The following DNAJB4 variants were observed in gnomAD, a reference collection of about 807,000 sequenced individuals.
DNAJB4 encodes the protein DnaJ heat shock protein family (Hsp40) member B4.
Under a neutral mutation model 26.6 loss-of-function variants are expected in DNAJB4, and 10 were observed. The ratio of observed to expected loss-of-function variants is 0.38; its 90% CI spans 0.23 to 0.64. The LOEUF (loss-of-function observed/expected upper bound fraction) is 0.64. Among genes scored for constraint, DNAJB4 ranks in the 30% least tolerant of loss-of-function variants. The pLI is 0.58. For synonymous variants in DNAJB4, 136 were observed against 134.8 expected, an observed-to-expected ratio of 1.01 and a Z score of -0.06; for missense variants, 328 against 408.2, an observed-to-expected ratio of 0.80 and a Z score of 1.69.
rs779550530 is a variant in DNAJB4 at position 78,016,281 on chromosome 1, G to T, written c.*34G>T. On this transcript the variant is annotated 3_prime_UTR_variant, in exon 3 of 3. Coordinates refer to ENST00000370763, the MANE Select transcript of DNAJB4 (RefSeq NM_007034.5). ...ACTTTGTTACACATATTTTGATAAGGCACTGAAAATATAAAAGGACTGGTA... is the reference window on the plus strand; with the variant it reads ...ACTTTGTTACACATATTTTGATAAGTCACTGAAAATATAAAAGGACTGGTA... 120 of 1,555,134 alleles carry T rather than the reference G, an allele frequency of 7.7e-5. No individual in the cohort carries two copies. In the Admixed American group the frequency reaches 2.0e-3, roughly 27 times the overall value.
At chr1:77,989,014 A>C (rs978689540) in intron 1 of DNAJB4, among the ~76,000 whole-genome samples, 2 of 152,176 alleles carry the variant, frequency 1.3e-5, no homozygotes, top group African/African-American at 4.8e-5. Flanking sequence ...TCCATAATTG[A>C]CATACTGAAC....
intron 1 of DNAJB4, among the ~76,000 whole-genome samples, chr1:77,998,283 ATGAT>A (rs2102599175): frequency 6.6e-6 from 1 of 152,344 alleles, no homozygotes; most frequent in African/African-American, 2.4e-5. Flanking sequence ...AATGTGCACT[ATGAT>A]AACCACCTTT....
At position 78,016,102 on chromosome 1, in the gene DNAJB4, G is replaced by A. The variant is rs1660635394; in HGVS notation, c.869G>A (p.Arg290Lys). Residue 290 changes from arginine (R) to lysine (K), a missense_variant, in exon 3 of 3, where the codon AGG becomes AAG. Coordinates refer to ENST00000370763, the MANE Select transcript of DNAJB4 (RefSeq NM_007034.5). ...AATGATATTGTGAAACCCGGAATGA[G>A]GAGAAGAATTATTGGATATGGGCTG... ...SVNDIVKPGM[R>K]RRIIGYGLPF... 1 of 1,613,958 alleles carries A rather than the reference G, an allele frequency of 6.2e-7. No homozygotes were observed. The highest frequency in any genetic ancestry group is 8.5e-7 in the Non-Finnish European group (1 of 1,180,018).
chr1:78,014,978 C>T (rs1249595535), intron 2 of DNAJB4, among the ~76,000 whole-genome samples: 2 of 152,140 alleles, frequency 1.3e-5, no homozygotes, highest in Non-Finnish European at 2.9e-5. Context: ...GCTCTAATAC[C>T]TACCTGCTAC....
Position 78,004,996 on chromosome 1 carries a change from T to C in DNAJB4, c.-115T>C. ...GCCTTAAGACAGCTAGCTGAATTGC[T>C]GATTAACTTTTAAAATACCCAGCTT... On this transcript the variant is annotated 5_prime_UTR_variant, in exon 1 of 3. Coordinates refer to ENST00000370763, the MANE Select transcript of DNAJB4 (RefSeq NM_007034.5). 9.4e-7 allele frequency: 1 copy of C among 1,067,382 alleles called. No individual in the cohort carries two copies. The highest frequency in any genetic ancestry group is 2.4e-5 in the East Asian group (1 of 42,368). 66.1% of individuals were successfully genotyped at this position (1,067,382 alleles called of 1,614,324 possible).
chr1:77,985,389 C>T (rs533985916), intron 1 of DNAJB4, among the ~76,000 whole-genome samples: 25 of 152,126 alleles, frequency 1.6e-4, no homozygotes, highest in African/African-American at 6.0e-4. Flanking sequence ...CTGATATTCT[C>T]ACTTCATTTA....
At position 78,005,363 on chromosome 1, in the gene DNAJB4, CTCT is replaced by C. The variant is rs757303052; in HGVS notation, c.211+44_211+46del. On this transcript the variant is annotated intron_variant, in intron 1 of 2. Transcript: ENST00000370763. ...TATCTTTCTGTCTCTTCAGCTCTGT[CTCT>C]TTTTTTTTTTTCTCTCTCTCTGCCA... The C allele has an allele frequency of 8.1e-6, 11 of 1,365,790 alleles. No homozygotes were observed. In the South Asian group the frequency reaches 1.1e-4, roughly 14 times the overall value. The allele number at this position is 1,365,790 out of a possible 1,614,324, so 84.6% of individuals were successfully genotyped here. A position where few individuals can be genotyped will look rare whatever the true frequency, so the allele number is the denominator to read the frequency against.
At chr1:78,006,555 GT>G (rs900072929) in intron 1 of DNAJB4, among the ~76,000 whole-genome samples, 3 of 152,180 alleles carry the variant, frequency 2.0e-5, no homozygotes, top group African/African-American at 7.2e-5. Flanking sequence ...GACAAGCAGG[GT>G]GATTGTATAT....
At chr1:77,980,333 A>G (rs1659526141) in intron 1 of DNAJB4, 1 of 123,012 alleles carries the variant, frequency 8.1e-6, no homozygotes, top group South Asian at 2.4e-4. Context: ...GTATATATAT[A>G]TATATATGTG....
chr1:77,983,816 ATC>A (rs1277711994), intron 1 of DNAJB4, among the ~76,000 whole-genome samples: 20 of 152,260 alleles, frequency 1.3e-4, no homozygotes, highest in African/African-American at 4.3e-4. Context: ...TAACAATCTG[ATC>A]TCTCTTGCTT....
rs115220022 is a variant in DNAJB4 at position 77,988,202 on chromosome 1, T to C, written c.-32+7880T>C. On this transcript the variant is annotated intron_variant, in intron 1 of 2. Transcript: ENST00000426517. The stretch of plus-strand genomic sequence containing the variant: ...ATATCTGGCTGACATTTTTTATCTT[T>C]TGTAGAGGCAGAGTATTGTTATATT... Among the ~76,000 whole-genome samples the C allele has an allele frequency of 3.6e-3, 552 of 152,020 alleles. 2 individuals are homozygous for C. The highest frequency in any genetic ancestry group is 0.013 in the African/African-American group (530 of 41,436).
intron 1 of DNAJB4, among the ~76,000 whole-genome samples, chr1:77,990,208 C>T (rs1354779888): frequency 6.6e-6 from 1 of 152,180 alleles, no homozygotes; most frequent in African/African-American, 2.4e-5. Context: ...CCTGGTTGAT[C>T]TCTGATGGTT....
chr1:78,000,286 G>A (rs1451755307), upstream of DNAJB4, among the ~76,000 whole-genome samples: 2 of 152,132 alleles, frequency 1.3e-5, no homozygotes, highest in Non-Finnish European at 2.9e-5. Flanking sequence ...CTCACTACGT[G>A]CCAATCACAT....
upstream of DNAJB4, among the ~76,000 whole-genome samples, chr1:78,004,121 A>C (rs1255689633): frequency 1.3e-5 from 2 of 152,164 alleles, no homozygotes; most frequent in African/African-American, 4.8e-5. Flanking sequence ...GTAACCTGAT[A>C]CTTTGTTCTA....
In DNAJB4 at chr1:77,997,784, C is replaced by CT. The variant is rs1170981084; in HGVS notation, c.-31-7287dup. Among the ~76,000 whole-genome samples the CT allele has an allele frequency of 4.6e-5, 7 of 151,536 alleles. No individual in the cohort carries two copies. The East Asian group carries it at 9.6e-4, about 21-fold the overall frequency. ...AGCCCAAGTTGAGGATAATAATTAA[C>CT]TTTTTTTTTCTTCTTTTCTTTTTGA... On this transcript the variant is annotated intron_variant, in intron 1 of 2. Coordinates refer to the DNAJB4 transcript ENST00000426517.
Position 78,016,448 on chromosome 1 carries a change from G to T in DNAJB4, c.*201G>T. ...GAGATAAAAGAGAAAACCATTCACT[G>T]TATTTTATTTCATTTCTCCTGATTC... On this transcript the variant is annotated 3_prime_UTR_variant, in exon 3 of 3. Transcript: ENST00000370763. 3.7e-6 allele frequency: 2 copies of T among 546,054 alleles called. No homozygotes were observed. The highest frequency in any genetic ancestry group is 3.0e-5 in the East Asian group (1 of 33,046). 33.8% of individuals were successfully genotyped at this position (546,054 alleles called of 1,614,324 possible).
At chr1:78,013,815 T>C (rs763466845) in intron 2 of DNAJB4, among the ~76,000 whole-genome samples, 196 bp downstream of exon 2, 7 of 152,034 alleles carry the variant, frequency 4.6e-5, no homozygotes, top group Admixed American at 2.6e-4. Context: ...TAGTTACTTA[T>C]AATTAAAGTG....
chr1:77,980,394 T>C (rs986131235), intron 1 of DNAJB4: 15 of 151,950 alleles, frequency 9.9e-5, no homozygotes, highest in African/African-American at 3.6e-4. Context: ...TTTTATGTTA[T>C]GTACTTCAGT....
rs771729247 is a variant in DNAJB4 at position 78,013,355 on chromosome 1, T to C, written c.516T>C (p.Tyr172=). ...TTAGAGTATCACTTGAAGAGATATATAGTGGTTGTACCAAACGGATGAAGA... is the reference window on the plus strand; with the variant it reads ...TTAGAGTATCACTTGAAGAGATATACAGTGGTTGTACCAAACGGATGAAGA... ...HELRVSLEEI[Y]SGCTKRMKIS... is the part of the protein sequence containing the mutation. The change falls in exon 2 of 3, where the codon TAT becomes TAC. Residue 172 remains tyrosine, a synonymous_variant. Transcript: ENST00000370763. 4 of 1,614,068 alleles carry C rather than the reference T, an allele frequency of 2.5e-6. No homozygotes were observed. The highest frequency in any genetic ancestry group is 2.7e-5 in the African/African-American group (2 of 74,920).
Sources: allele counts gnomAD v4.1 joint callset (sites outside exome capture counted in the v4.1 genomes callset), GRCh38; gene constraint gnomAD v4.1.1; transcripts MANE v1.5; gene names NCBI Gene and HGNC (gene_info 2026-07-23, HGNC 2026-07-21).